The following NBAS variants were observed in gnomAD, a reference collection of about 807,000 sequenced individuals.
The protein encoded by NBAS is NBAS subunit of NRZ tethering complex.
In NBAS, 219 loss-of-function variants were observed where a neutral mutation model predicts 302.5. The observed-to-expected ratio is 0.72, with a 90% CI of 0.65 to 0.81. The LOEUF (loss-of-function observed/expected upper bound fraction) is 0.81. NBAS is among the 30% of genes least tolerant of loss of function. The pLI is 0.00. For synonymous variants in NBAS, 1,118 were observed against 1,021.6 expected (o/e 1.09, Z -1.80); for missense variants, 2,932 against 2,841.6 (o/e 1.03, Z -0.72).
At chr2:15,484,403 A>G in intron 12 of NBAS, among the ~76,000 whole-genome samples, 1 of 152,114 alleles carries the variant, frequency 6.6e-6, no homozygotes, top group East Asian at 1.9e-4. Flanking sequence ...TAGTGATCTC[A>G]AGTTAACCTC....
At chr2:15,341,641 G>T (rs1672858278) in intron 35 of NBAS, among the ~76,000 whole-genome samples, 1 of 151,958 alleles carries the variant, frequency 6.6e-6, no homozygotes, top group South Asian at 2.1e-4. Flanking sequence ...GCCTTATGAA[G>T]AAACAGCGGG....
chr2:15,515,517 AAAAC>A (rs1385693935), intron 9 of NBAS, among the ~76,000 whole-genome samples: 3 of 152,200 alleles, frequency 2.0e-5, no homozygotes, highest in Admixed American at 6.5e-5. Flanking sequence ...AGACTTTCTC[AAAAC>A]AAACAAACAA....
chr2:15,439,744 T>C (rs1012686941), intron 21 of NBAS, among the ~76,000 whole-genome samples: 1 of 152,180 alleles, frequency 6.6e-6, no homozygotes, highest in East Asian at 1.9e-4. Flanking sequence ...GGGAGTTCCC[T>C]TTCCTAGTCA....
intron 28 of NBAS, among the ~76,000 whole-genome samples, chr2:15,393,930 G>A (rs1342810231): frequency 6.6e-6 from 1 of 152,014 alleles, no homozygotes; most frequent in African/African-American, 2.4e-5. Flanking sequence ...AAAGAAAATA[G>A]ATTAGTGGTA....
intron 47 of NBAS, among the ~76,000 whole-genome samples, chr2:15,226,779 G>C (rs748964339): frequency 2.4e-4 from 36 of 152,200 alleles, no homozygotes; most frequent in Non-Finnish European, 2.2e-4. Context: ...GAGCTGCAGT[G>C]AAAGAGCAAA....
At chr2:15,520,712 T>C (rs1662625528) in intron 9 of NBAS, among the ~76,000 whole-genome samples, 2 of 152,202 alleles carry the variant, frequency 1.3e-5, no homozygotes, top group Admixed American at 1.3e-4. Flanking sequence ...ATGATTTTCA[T>C]GTATGATAAA....
intron 21 of NBAS, among the ~76,000 whole-genome samples, chr2:15,459,728 C>G (rs1679424706): frequency 6.6e-6 from 1 of 152,130 alleles, no homozygotes. Flanking sequence ...ATCCACCCAC[C>G]TCGGCCTCCC....
At chr2:15,252,087 C>T (rs1324771966) in intron 44 of NBAS, among the ~76,000 whole-genome samples, 2 of 152,208 alleles carry the variant, frequency 1.3e-5, no homozygotes, top group African/African-American at 4.8e-5. Context: ...GAGAGCAACA[C>T]AATCAGCACC....
At chr2:15,470,017 A>G (rs1421267011) in intron 16 of NBAS, among the ~76,000 whole-genome samples, 1 of 151,918 alleles carries the variant, frequency 6.6e-6, no homozygotes, top group East Asian at 1.9e-4. Context: ...TAAAAAAAAA[A>G]TCCCTGACTT....
intron 47 of NBAS, among the ~76,000 whole-genome samples, chr2:15,230,660 G>A (rs1356492309): frequency 6.6e-6 from 1 of 152,170 alleles, no homozygotes; most frequent in Non-Finnish European, 1.5e-5. Flanking sequence ...CCCATTGAAA[G>A]GGGACTAAAA....
At chr2:15,261,934 T>C (rs1433974072) in intron 44 of NBAS, among the ~76,000 whole-genome samples, 1 of 152,178 alleles carries the variant, frequency 6.6e-6, no homozygotes, top group Non-Finnish European at 1.5e-5. Flanking sequence ...CAAAATCAAA[T>C]GTTGATATGA....
intron 44 of NBAS, among the ~76,000 whole-genome samples, chr2:15,257,649 T>G (rs1668664248): frequency 6.6e-6 from 1 of 152,138 alleles, no homozygotes; most frequent in Non-Finnish European, 1.5e-5. Flanking sequence ...CACCTCAGCC[T>G]GCCAAAGTGC....
intron 32 of NBAS, among the ~76,000 whole-genome samples, chr2:15,360,681 A>T: frequency 6.8e-6 from 1 of 146,896 alleles, no homozygotes. Flanking sequence ...ACTTTCTAAA[A>T]CTTTTCTTGT....
At chr2:15,515,395 A>C (rs1223598128) in intron 9 of NBAS, among the ~76,000 whole-genome samples, 2 of 152,176 alleles carry the variant, frequency 1.3e-5, no homozygotes, top group Non-Finnish European at 2.9e-5. Context: ...CTCTACAAAA[A>C]TACAAAAATT....
At chr2:15,276,768 G>T in intron 43 of NBAS, 83 bp downstream of exon 43, 1 of 1,597,342 alleles carries the variant, frequency 6.3e-7, no homozygotes, top group Non-Finnish European at 8.6e-7. Flanking sequence ...CAACCATAAT[G>T]CATGAACAGG....
chr2:15,307,603 CA>C (rs1435978641), intron 40 of NBAS, among the ~76,000 whole-genome samples: 6 of 152,134 alleles, frequency 3.9e-5, no homozygotes, highest in Admixed American at 6.5e-5. Context: ...TCTGTCTATA[CA>C]AGTACTTGGA....
At chr2:15,189,355 A>C (rs1171678645) in intron 49 of NBAS, among the ~76,000 whole-genome samples, 1 of 152,214 alleles carries the variant, frequency 6.6e-6, no homozygotes, top group Admixed American at 6.5e-5. Flanking sequence ...ATTTGTTGGC[A>C]GTCCTAACTG....
chr2:14,783,827 T>A, the NBAS span, among the ~76,000 whole-genome samples: 1 of 151,910 alleles, frequency 6.6e-6, no homozygotes, highest in Admixed American at 6.6e-5. Context: ...GTCCTTTGGG[T>A]ATATACCCAG....
intron 6 of NBAS, among the ~76,000 whole-genome samples, chr2:15,543,286 TC>T (rs1663940948): frequency 6.6e-6 from 1 of 152,170 alleles, no homozygotes; most frequent in Non-Finnish European, 1.5e-5. Context: ...GAACATTCTT[TC>T]CCTAACACTC....
Sources: allele counts gnomAD v4.1 joint callset (sites outside exome capture counted in the v4.1 genomes callset), GRCh38; gene constraint gnomAD v4.1.1; transcripts MANE v1.5; gene names NCBI Gene and HGNC (gene_info 2026-07-23, HGNC 2026-07-21).